Variants in C14orf93 observed in about 807,000 individuals in gnomAD.
The protein encoded by C14orf93 is uncharacterized protein C14orf93.
In C14orf93, 23 loss-of-function variants were observed where a neutral mutation model predicts 44.0. The observed-to-expected ratio is 0.52, with a 90% CI of 0.38 to 0.74. C14orf93 has a LOEUF of 0.74. Among genes scored for constraint, C14orf93 ranks in the 30% least tolerant of loss-of-function variants. The pLI, the probability that C14orf93 is intolerant of heterozygous loss-of-function variation, is 0.00. For missense variants in C14orf93, 579 were observed against 678.9 expected (o/e 0.85, Z 1.64); for synonymous variants, 253 against 265.7 (o/e 0.95, Z 0.46).
At chr14:22,988,949 A>G (rs1183595231) in intron 5 of C14orf93, among the ~76,000 whole-genome samples, 2 of 151,958 alleles carry the variant, frequency 1.3e-5, no homozygotes, top group Non-Finnish European at 2.9e-5. Context: ...AAAAACAACA[A>G]CAATCTACCC....
rs763586224 is a variant in C14orf93 at position 22,996,125 on chromosome 14, T to C, written c.741A>G (p.Pro247=). The part of the protein sequence containing the change: ...ETGPENGTKL[P]PPRPEDMLNA... ...TGAGCATGTCCTCAGGGCGGGGTGG[T>C]GGCAGCTTGGTTCCATTTTCTGGTC... Residue 247 remains proline (P), a synonymous_variant, in exon 3 of 7, where the codon CCA becomes CCG. Coordinates refer to ENST00000299088, the MANE Select transcript of C14orf93 (RefSeq NM_021944.4). This position sits in a 1 kb window ranked among gnomAD's most constrained non-coding sequence, Gnocchi z 4.1. 3.1e-6 allele frequency: 5 copies of C among 1,613,906 alleles called. No individual in the cohort carries two copies. The East Asian group carries it at 6.7e-5, about 22-fold the overall frequency.
At chr14:22,988,047 G>C (rs776454400) in intron 5 of C14orf93, 32 bp from the exon 6 acceptor site, 2 of 1,513,536 alleles carry the variant, frequency 1.3e-6, no homozygotes, top group Non-Finnish European at 1.8e-6. Context: ...GAGCAAGAAG[G>C]AGGGTCCTCT....
intron 3 of C14orf93, among the ~76,000 whole-genome samples, chr14:22,990,675 G>A (rs1328363948): frequency 6.6e-6 from 1 of 151,884 alleles, no homozygotes. Flanking sequence ...CACCATGTTG[G>A]CCAGGCTGGT....
chr14:22,996,981 A>ACG lies in C14orf93; in HGVS notation c.598-715_598-714dup, dbSNP rs1555362057. ...ACTGAAAGTGGGGACACACACGCAC[A>ACG]CGCACACACACACACACACACACAC... On this transcript the variant is annotated intron_variant, in intron 2 of 6. Coordinates refer to ENST00000299088, the MANE Select transcript of C14orf93 (RefSeq NM_021944.4). The surrounding 1 kb of genome is among the most constrained non-coding windows in gnomAD (Gnocchi z 4.1). Among the ~76,000 whole-genome samples, 89 of 49,546 alleles carry ACG rather than the reference A, an allele frequency of 1.8e-3. No individual in the cohort carries two copies. The highest frequency in any genetic ancestry group is 8.7e-3 in the African/African-American group (78 of 8,982). 32.5% of individuals were successfully genotyped at this position (49,546 alleles called of 152,430 possible).
At chr14:23,004,440 G>C (rs545047632) in intron 1 of C14orf93, among the ~76,000 whole-genome samples, 1 of 152,050 alleles carries the variant, frequency 6.6e-6, no homozygotes, top group South Asian at 2.1e-4. Flanking sequence ...TTACAGGTGT[G>C]AGCCACTGTG....
intron 1 of C14orf93, among the ~76,000 whole-genome samples, chr14:23,003,435 T>C (rs551122204): frequency 4.3e-4 from 66 of 152,342 alleles, no homozygotes; most frequent in African/African-American, 1.5e-3. Context: ...ACTACTTAAG[T>C]GCTGGATAAA....
chr14:23,008,173 A>C (rs937740532), intron 1 of C14orf93, among the ~76,000 whole-genome samples: 4 of 149,680 alleles, frequency 2.7e-5, no homozygotes, highest in South Asian at 2.1e-4. Flanking sequence ...AAAAAAAAAA[A>C]AAAAAAACTC....
At chr14:23,000,114 T>G (rs1045375907) in intron 1 of C14orf93, 1 of 152,174 alleles carries the variant, frequency 6.6e-6, no homozygotes, top group African/African-American at 2.4e-5. Context: ...TGCTGTCACT[T>G]TGCCTGCATG....
chr14:22,992,867 G>C (rs2045743066), intron 3 of C14orf93, among the ~76,000 whole-genome samples: 1 of 151,856 alleles, frequency 6.6e-6, no homozygotes, highest in Non-Finnish European at 1.5e-5. Flanking sequence ...ACAGGCATGA[G>C]CCACCACGCC....
At position 22,988,370 on chromosome 14, in the gene C14orf93, C is replaced by T. The variant is rs536987408; in HGVS notation, c.1085-355G>A. ...AAACTACTGACCTCAGGTGATCCAC[C>T]TGCCTTGGCCTCCCAAAGAGCTGGG... On this transcript the variant is annotated intron_variant, in intron 5 of 6. Coordinates refer to ENST00000299088, the MANE Select transcript of C14orf93 (RefSeq NM_021944.4). Among the ~76,000 whole-genome samples the T allele has an allele frequency of 2.6e-5, 4 of 152,296 alleles. No homozygotes were observed. In the South Asian group the frequency reaches 8.3e-4, roughly 32 times the overall value.
Position 22,999,036 on chromosome 14 carries a change from A to C in C14orf93, c.-13T>G, listed in dbSNP as rs748778136. The stretch of plus-strand genomic sequence containing the variant: ...CACTGAAGGACATGGCGGATGGGGC[A>C]GTAACAACCACGCTTACACTGCTGG... On this transcript the variant is annotated 5_prime_UTR_variant, in exon 2 of 7. Coordinates refer to ENST00000299088, the MANE Select transcript of C14orf93 (RefSeq NM_021944.4). 1 of 1,597,656 alleles carries C rather than the reference A, an allele frequency of 6.3e-7. No homozygotes were observed. Among genetic ancestry groups the C allele is most frequent in the Non-Finnish European group, 8.5e-7 (1 of 1,174,476 alleles).
In C14orf93 at chr14:22,998,445, C is replaced by T. The variant is rs138499014; in HGVS notation, c.579G>A (p.Ala193=). The change falls in exon 2 of 7, where the codon GCG becomes GCA. Residue 193 remains alanine (A), a synonymous_variant. Coordinates refer to ENST00000299088, the MANE Select transcript of C14orf93 (RefSeq NM_021944.4). ...LPGCTLAASE[A]APLLNPLVDD... ...TACTCACAGGATTGAGCAGGGGGGC[C>T]GCCTCGCTGGCAGCCAGCGTGCACC... is the stretch of plus-strand genomic sequence containing the variant. 355 of 1,577,890 alleles carry T rather than the reference C, an allele frequency of 2.2e-4. 1 individual carries two copies. Among genetic ancestry groups the T allele is most frequent in the Middle Eastern group, 1.9e-3 (9 of 4,726 alleles).
rs775329072 is a variant in C14orf93 at position 22,998,631 on chromosome 14, G to A, written c.393C>T (p.Pro131=). ...CAGACAGAGCCTTAAAGGCTTCCCC[G>A]GGACTTTCCTTGAGAGGCCCAGGCT... ...PEEPGPLKES[P]GEAFKALSAV... The change falls in exon 2 of 7, where the codon CCC becomes CCT. Residue 131 remains proline, a synonymous_variant. Coordinates refer to ENST00000299088, the MANE Select transcript of C14orf93 (RefSeq NM_021944.4). The A allele has an allele frequency of 2.9e-5, 47 of 1,613,768 alleles. No individual in the cohort carries two copies. The highest frequency in any genetic ancestry group is 3.3e-5 in the South Asian group (3 of 91,084).
chr14:22,987,874 T>C lies in C14orf93; in HGVS notation c.1197+29A>G, dbSNP rs1335343295. 6.5e-7 allele frequency: 1 copy of C among 1,549,088 alleles called. No individual in the cohort carries two copies. Among genetic ancestry groups the C allele is most frequent in the Admixed American group, 1.7e-5 (1 of 59,512 alleles). ...ACTTAGGAAAGGGTTTAGAGTTTAGTATCTTGAAAGAAAGGCCTAGAAACC... is the reference window on the plus strand; with the variant it reads ...ACTTAGGAAAGGGTTTAGAGTTTAGCATCTTGAAAGAAAGGCCTAGAAACC... On this transcript the variant is annotated intron_variant, in intron 6 of 6. Coordinates refer to ENST00000299088, the MANE Select transcript of C14orf93 (RefSeq NM_021944.4). This position sits in a 1 kb window ranked among gnomAD's most constrained non-coding sequence, Gnocchi z 5.6.
chr14:22,992,598 G>A (rs779482167), intron 3 of C14orf93, among the ~76,000 whole-genome samples: 3 of 149,670 alleles, frequency 2.0e-5, no homozygotes, highest in Non-Finnish European at 3.0e-5. Flanking sequence ...ATTTTTTTGA[G>A]ATGGAGTCTT....
At chr14:23,007,113 G>C (rs1023884056) in intron 1 of C14orf93, 11 of 152,234 alleles carry the variant, frequency 7.2e-5, no homozygotes, top group African/African-American at 2.4e-4. Flanking sequence ...GGGCGCGCGG[G>C]AGACAGAACT....
intron 5 of C14orf93, among the ~76,000 whole-genome samples, chr14:22,989,505 C>G (rs7155258): frequency 0.092 from 14,076 of 152,256 alleles, 2,146 homozygotes; most frequent in African/African-American, 0.32. Context: ...ATGCATGATG[C>G]TGTTCTAGCC....
intron 1 of C14orf93, among the ~76,000 whole-genome samples, chr14:23,009,096 G>C (rs1380526707): frequency 6.6e-6 from 1 of 152,126 alleles, no homozygotes. Flanking sequence ...AACCACTTAG[G>C]CAAAACAGTC....
At chr14:23,002,275 A>T (rs2046349042) in intron 1 of C14orf93, among the ~76,000 whole-genome samples, 1 of 151,202 alleles carries the variant, frequency 6.6e-6, no homozygotes, top group South Asian at 2.1e-4. Context: ...ACATGGTGAA[A>T]CCCTATCTCT....
Sources: allele counts gnomAD v4.1 joint callset (sites outside exome capture counted in the v4.1 genomes callset), GRCh38; gene constraint gnomAD v4.1.1; non-coding constraint Gnocchi (gnomAD v3.1); transcripts MANE v1.5; gene names NCBI Gene and HGNC (gene_info 2026-07-23, HGNC 2026-07-21).